The following PDZD2 variants were observed in gnomAD, a reference collection of about 807,000 sequenced individuals.
PDZD2 encodes the protein PDZ domain containing 2, also known as PDZ domain-containing protein 2.
Under a neutral mutation model 220.7 loss-of-function variants are expected in PDZD2, and 90 were observed. The ratio of observed to expected loss-of-function variants is 0.41; its 90% CI spans 0.34 to 0.49. The LOEUF is 0.49. Ranked by LOEUF, PDZD2 falls within the 20% of genes least tolerant of loss-of-function variation. The pLI is 0.28. For missense variants in PDZD2, 3,174 were observed against 3,608.5 expected (o/e 0.88, Z 3.08); for synonymous variants, 1,375 against 1,450.5 (o/e 0.95, Z 1.18).
chr5:31,783,982 T>A (rs1205296657), intron 1 of PDZD2, among the ~76,000 whole-genome samples: 2 of 152,114 alleles, frequency 1.3e-5, no homozygotes, highest in Non-Finnish European at 2.9e-5. Context: ...CTCAATCTGT[T>A]CCCTCATCTG....
chr5:31,787,616 T>G (rs1753454319), intron 1 of PDZD2: 1 of 152,144 alleles, frequency 6.6e-6, no homozygotes. Context: ...ATTTTTTTTT[T>G]CTTTTTCCTA....
At chr5:31,964,806 C>T (rs940256976) in intron 2 of PDZD2, among the ~76,000 whole-genome samples, 14 of 152,220 alleles carry the variant, frequency 9.2e-5, no homozygotes, top group Admixed American at 9.2e-4. Flanking sequence ...AGCTCCGCCT[C>T]CCGGGTTCAC....
At chr5:31,923,185 C>T (rs183347477) in intron 2 of PDZD2, among the ~76,000 whole-genome samples, 1 of 152,112 alleles carries the variant, frequency 6.6e-6, no homozygotes, top group Non-Finnish European at 1.5e-5. Context: ...ATCCCAGCTA[C>T]TCAGGGGGCA....
At chr5:32,031,096 A>C (rs1755077353) in intron 6 of PDZD2, among the ~76,000 whole-genome samples, 1 of 151,204 alleles carries the variant, frequency 6.6e-6, no homozygotes, top group Admixed American at 6.6e-5. Context: ...CTGGAATTCC[A>C]CTCTCTTCCC....
chr5:32,003,323 ACACACCCC>A (rs1752478469), intron 5 of PDZD2, among the ~76,000 whole-genome samples: 1 of 27,588 alleles, frequency 3.6e-5, no homozygotes, highest in Admixed American at 3.4e-4. Flanking sequence ...CACCCCACAC[ACACACCCC>A]CACCACACCA....
At chr5:32,018,593 A>G (rs879485103) in intron 6 of PDZD2, among the ~76,000 whole-genome samples, 1 of 152,232 alleles carries the variant, frequency 6.6e-6, no homozygotes, top group Non-Finnish European at 1.5e-5. Flanking sequence ...TGATGCAGAA[A>G]CTGCCTCATT....
chr5:31,790,586 C>T (rs991277675), intron 1 of PDZD2, among the ~76,000 whole-genome samples: 5 of 151,268 alleles, frequency 3.3e-5, no homozygotes, highest in Non-Finnish European at 5.9e-5. Context: ...TGTTGTGGAC[C>T]AGGGCTGGAG....
intron 2 of PDZD2, among the ~76,000 whole-genome samples, chr5:31,880,468 C>T (rs1311128125): frequency 2.6e-5 from 4 of 152,170 alleles, no homozygotes; most frequent in Non-Finnish European, 5.9e-5. Context: ...GAAGTAAGCT[C>T]GTTCAAAATT....
At chr5:32,081,672 T>C (rs1313766234) in intron 19 of PDZD2, among the ~76,000 whole-genome samples, 1 of 152,222 alleles carries the variant, frequency 6.6e-6, no homozygotes. Flanking sequence ...TTATTACAAA[T>C]AGCTGCTTTC....
intron 2 of PDZD2, among the ~76,000 whole-genome samples, chr5:31,899,124 G>T: frequency 6.6e-6 from 1 of 151,172 alleles, no homozygotes; most frequent in Non-Finnish European, 1.5e-5. Flanking sequence ...ACCGCGCCTG[G>T]CCTCTTTGTT....
intron 2 of PDZD2, among the ~76,000 whole-genome samples, chr5:31,860,113 GAGA>G (rs1318185248): frequency 6.6e-6 from 1 of 150,630 alleles, no homozygotes; most frequent in Non-Finnish European, 1.5e-5. Flanking sequence ...GGAACCAGAT[GAGA>G]AGGAGACTTG....
chr5:31,848,321 G>A (rs1443781053), intron 2 of PDZD2, among the ~76,000 whole-genome samples: 1 of 152,212 alleles, frequency 6.6e-6, no homozygotes, highest in Non-Finnish European at 1.5e-5. Flanking sequence ...AGAAGCATTT[G>A]TATTCATTCA....
At chr5:32,050,654 C>G (rs774015574) in intron 8 of PDZD2, among the ~76,000 whole-genome samples, 2 of 152,028 alleles carry the variant, frequency 1.3e-5, no homozygotes, top group African/African-American at 4.8e-5. Flanking sequence ...CTTATCTTTA[C>G]GAAAACAAAT....
At position 31,792,630 on chromosome 5, in the gene PDZD2, C is replaced by T. The variant is rs142260121; in HGVS notation, c.-360-6259C>T. ...ACGGGGTTTCACCGTGTTGCCCAGG[C>T]TGATCTCGAGTTTCTGACCTCAGGT... On this transcript the variant is annotated intron_variant, in intron 1 of 24. Coordinates refer to ENST00000438447, the MANE Select transcript of PDZD2 (RefSeq NM_178140.4). Among the ~76,000 whole-genome samples the T allele has an allele frequency of 5.6e-4, 85 of 152,140 alleles. 1 individual carries two copies. Among genetic ancestry groups the T allele is most frequent in the African/African-American group, 2.0e-3 (83 of 41,516 alleles).
intron 2 of PDZD2, among the ~76,000 whole-genome samples, chr5:31,903,018 A>C (rs978893733): frequency 2.0e-5 from 3 of 152,172 alleles, no homozygotes; most frequent in Non-Finnish European, 4.4e-5. Flanking sequence ...GGGAAAAAAA[A>C]AAGTCCTACA....
rs574027374 is a variant in PDZD2, at chr5:32,069,598, A to C, written c.2481A>C (p.Ile827=). The change falls in exon 15 of 25, where the codon ATA becomes ATC. Residue 827 remains isoleucine, a synonymous_variant. Coordinates refer to ENST00000438447, the MANE Select transcript of PDZD2 (RefSeq NM_178140.4). The part of the protein sequence containing the change: ...KVSEQEMDEV[I]ARSTYQESKE... ...CCGAGCAGGAAATGGATGAAGTCAT[A>C]GCACGCAGCACTTATCAGGAGAGCA... 2 of 1,600,068 alleles carry C rather than the reference A, an allele frequency of 1.2e-6. No homozygotes were observed. Among genetic ancestry groups the C allele is most frequent in the African/African-American group, 2.7e-5 (2 of 74,796 alleles).
intron 24 of PDZD2, among the ~76,000 whole-genome samples, chr5:32,102,912 A>G (rs1259884367): frequency 2.0e-5 from 3 of 152,208 alleles, no homozygotes; most frequent in African/African-American, 7.2e-5. Flanking sequence ...CTTTAAAAGT[A>G]AAAACTAAAT....
At position 31,978,714 on chromosome 5, in the gene PDZD2, C is replaced by CAAAAAA. The variant is rs10632600; in HGVS notation, c.477-4432_477-4427dup. Among the ~76,000 whole-genome samples the CAAAAAA allele has an allele frequency of 8.3e-3, 1,059 of 127,982 alleles. 40 individuals are homozygous for CAAAAAA. The highest frequency in any genetic ancestry group is 0.032 in the African/African-American group (995 of 31,530). The allele number at this position is 127,982 out of a possible 152,430, so 84.0% of individuals were successfully genotyped here. ...TGGGCGACAGAGCGAGACTCCATCT[C>CAAAAAA]AAAAAAAAAAAAAAGAATTCTAAGA... On this transcript the variant is annotated intron_variant, in intron 2 of 24. Coordinates refer to ENST00000438447, the MANE Select transcript of PDZD2 (RefSeq NM_178140.4).
intron 3 of PDZD2, among the ~76,000 whole-genome samples, chr5:31,984,774 G>A (rs1198598915): frequency 2.0e-5 from 3 of 152,158 alleles, no homozygotes; most frequent in African/African-American, 7.2e-5. Flanking sequence ...GTTACAGTGA[G>A]CCAAGATTCT....
Sources: gnomAD v4.1 joint callset for allele counts (sites outside exome capture counted in the v4.1 genomes callset) on GRCh38, gnomAD v4.1.1 for gene constraint, MANE v1.5 for transcripts, NCBI Gene and HGNC (gene_info 2026-07-23, HGNC 2026-07-21) for gene names.